CADM2: variants seen among roughly 807,000 people sequenced by gnomAD.
CADM2 encodes the protein cell adhesion molecule 2.
Under a neutral mutation model 49.8 loss-of-function variants are expected in CADM2, and 12 were observed. The observed-to-expected ratio is 0.24, with a 90% CI of 0.15 to 0.39. The LOEUF (loss-of-function observed/expected upper bound fraction) is 0.39, where lower values mean the gene tolerates loss of function less well. CADM2 is among the 10% of genes least tolerant of loss of function. The probability of loss-of-function intolerance (pLI) is 1.00; values close to 1 mark genes in which losing one functional copy is unlikely to be tolerated. For synonymous variants in CADM2, 214 were observed against 175.4 expected (o/e 1.22, Z -1.74); for missense variants, 378 against 492.3 (o/e 0.77, Z 2.20).
intron 1 of CADM2, among the ~76,000 whole-genome samples, chr3:85,721,574 G>A (rs144109684): frequency 2.0e-5 from 3 of 152,270 alleles, no homozygotes; most frequent in African/African-American, 7.2e-5. Context: ...GCTCCAGCAG[G>A]GCGGGCAGCT....
intron 1 of CADM2, among the ~76,000 whole-genome samples, chr3:85,709,536 T>G (rs2067052169): frequency 6.6e-6 from 1 of 152,170 alleles, no homozygotes; most frequent in South Asian, 2.1e-4. Context: ...TGGTTCTTAT[T>G]TATGATGTGT....
intron 1 of CADM2, among the ~76,000 whole-genome samples, chr3:85,035,579 A>G (rs1468337359): frequency 2.0e-5 from 3 of 152,014 alleles, no homozygotes; most frequent in Admixed American, 2.0e-4. Flanking sequence ...TGTTTAATCC[A>G]TTTTCGTTTG....
chr3:85,206,292 GTCTTTTTTTTTTTCTTT>G (rs1316284613), intron 1 of CADM2, among the ~76,000 whole-genome samples: 5 of 149,650 alleles, frequency 3.3e-5, no homozygotes, highest in Admixed American at 2.0e-4. Context: ...CAGAATTTAG[GTCTTTTTTTTTTTCTTT>G]TCTTTTTTTT....
intron 2 of CADM2, among the ~76,000 whole-genome samples, chr3:85,740,882 C>T (rs1335822856): frequency 1.3e-5 from 2 of 152,138 alleles, no homozygotes; most frequent in Non-Finnish European, 2.9e-5. Flanking sequence ...ACTCTTAAGT[C>T]ATATACTCTT....
At chr3:85,116,231 G>A (rs1053558834) in intron 1 of CADM2, among the ~76,000 whole-genome samples, 1 of 152,210 alleles carries the variant, frequency 6.6e-6, no homozygotes, top group Non-Finnish European at 1.5e-5. Context: ...GGAGGCTGAG[G>A]CAGGAGAATC....
chr3:85,971,681 C>T (rs977563829), intron 8 of CADM2, among the ~76,000 whole-genome samples: 4 of 151,476 alleles, frequency 2.6e-5, no homozygotes, highest in Admixed American at 2.0e-4. Context: ...TTGAAGTAGG[C>T]GGAGCTAAAT....
At chr3:85,423,185 T>A (rs1467727070) in intron 1 of CADM2, among the ~76,000 whole-genome samples, 7 of 152,052 alleles carry the variant, frequency 4.6e-5, no homozygotes, top group Non-Finnish European at 1.0e-4. Flanking sequence ...TCAGATGCTT[T>A]CTCTCTTTTC....
At chr3:85,733,491 C>G (rs1194039343) in intron 2 of CADM2, among the ~76,000 whole-genome samples, 1 of 152,136 alleles carries the variant, frequency 6.6e-6, no homozygotes, top group African/African-American at 2.4e-5. Flanking sequence ...TTGCAAAGTA[C>G]AAACTAGTCT....
chr3:85,195,421 G>A (rs532807344), intron 1 of CADM2, among the ~76,000 whole-genome samples: 15 of 151,910 alleles, frequency 9.9e-5, no homozygotes, highest in Non-Finnish European at 2.1e-4. Flanking sequence ...TAAAACCTGG[G>A]TACTATGAAA....
At chr3:85,837,867 T>G (rs1221783643) in intron 3 of CADM2, among the ~76,000 whole-genome samples, 1 of 151,762 alleles carries the variant, frequency 6.6e-6, no homozygotes, top group Non-Finnish European at 1.5e-5. Context: ...ATTATTTACC[T>G]GAGATATTGT....
At chr3:85,288,160 C>T (rs1196077954) in intron 1 of CADM2, among the ~76,000 whole-genome samples, 1 of 151,922 alleles carries the variant, frequency 6.6e-6, no homozygotes, top group Non-Finnish European at 1.5e-5. Flanking sequence ...CTTGAGAAAG[C>T]ACATAAACTT....
chr3:85,631,765 T>G (rs190136659), intron 1 of CADM2, among the ~76,000 whole-genome samples: 1 of 152,138 alleles, frequency 6.6e-6, no homozygotes, highest in Non-Finnish European at 1.5e-5. Flanking sequence ...ATATTGTTTT[T>G]TAAAAGTAAA....
chr3:85,580,215 C>T (rs1460058920), intron 1 of CADM2, among the ~76,000 whole-genome samples: 1 of 152,032 alleles, frequency 6.6e-6, no homozygotes, highest in Admixed American at 6.6e-5. Context: ...TGCTATCAAC[C>T]TAGAATTTAG....
intron 1 of CADM2, among the ~76,000 whole-genome samples, chr3:84,967,304 TTATAGTG>T (rs1465120494): frequency 6.6e-6 from 1 of 152,102 alleles, no homozygotes; most frequent in Non-Finnish European, 1.5e-5. Flanking sequence ...GGCCTAAAAT[TTATAGTG>T]TGTAAAAAAA....
chr3:86,063,922 T>A (rs993638257), intron 8 of CADM2, among the ~76,000 whole-genome samples: 29 of 152,118 alleles, frequency 1.9e-4, no homozygotes, highest in South Asian at 4.2e-4. Flanking sequence ...TAGGGCTGAG[T>A]CTTAGTGGAT....
intron 1 of CADM2, among the ~76,000 whole-genome samples, chr3:85,177,595 G>A (rs773882592): frequency 6.6e-6 from 1 of 151,736 alleles, no homozygotes; most frequent in African/African-American, 2.4e-5. Context: ...CAAGGTGACT[G>A]CAGAAAACCC....
chr3:85,944,287 C>T lies in CADM2; in HGVS notation c.791+8430C>T, dbSNP rs547195558. ...ATTCATAAAGCAAATCCTTAGAGAC[C>T]TGCAAAGAGACTTAGACTCCCACAC... On this transcript the variant is annotated intron_variant, in intron 7 of 9. Transcript: ENST00000383699. Among the ~76,000 whole-genome samples, 126 of 152,118 alleles carry T rather than the reference C, an allele frequency of 8.3e-4. No individual in the cohort carries two copies. The South Asian group carries it at 9.3e-3, about 11-fold the overall frequency.
chr3:85,987,498 T>C (rs1728252736), intron 8 of CADM2, among the ~76,000 whole-genome samples: 1 of 150,510 alleles, frequency 6.6e-6, no homozygotes, highest in Non-Finnish European at 1.5e-5. Flanking sequence ...TATATATGTT[T>C]TCTGAAAAAC....
chr3:85,809,728 CCTCCCTCCCTCCCTCCTCT>C (rs2072708552), intron 3 of CADM2, among the ~76,000 whole-genome samples: 1 of 117,316 alleles, frequency 8.5e-6, no homozygotes, highest in Non-Finnish European at 1.8e-5. Context: ...TCGTTCCTTC[CCTCCCTCCCTCCCTCCTCT>C]CTCCCTCCCT....
Sources: allele counts gnomAD v4.1 joint callset (sites outside exome capture counted in the v4.1 genomes callset), GRCh38; gene constraint gnomAD v4.1.1; transcripts MANE v1.5; gene names NCBI Gene and HGNC (gene_info 2026-07-23, HGNC 2026-07-21).